DDX4: variants seen among roughly 807,000 people sequenced by gnomAD.
The protein encoded by DDX4 is DEAD-box helicase 4.
In DDX4, 25 loss-of-function variants were observed where a neutral mutation model predicts 100.0. The ratio of observed to expected loss-of-function variants is 0.25; its 90% CI spans 0.18 to 0.35. The LOEUF is 0.35. Ranked by LOEUF, DDX4 falls within the 10% of genes least tolerant of loss-of-function variation. The pLI is 1.00. For missense variants in DDX4, 635 were observed against 882.4 expected, an observed-to-expected ratio of 0.72 and a Z score of 3.55; for synonymous variants, 259 against 275.7, an observed-to-expected ratio of 0.94 and a Z score of 0.60.
chr5:55,798,521 T>C lies in DDX4; in HGVS notation c.1565T>C (p.Val522Ala), dbSNP rs1743104632. ...GATGTTCAGCAGACCGTTCTCCAAG[T>C]TGGCCAGTTCTCAAAAAGAGAAAAG... ...CRDVQQTVLQ[V>A]GQFSKREKLV... Residue 522 changes from valine to alanine, a missense_variant, in exon 18 of 22, where the codon GTT becomes GCT. Coordinates refer to ENST00000505374, the MANE Select transcript of DDX4 (RefSeq NM_024415.3). 1 of 1,611,118 alleles carries C rather than the reference T, an allele frequency of 6.2e-7. No homozygotes were observed. The highest frequency in any genetic ancestry group is 1.3e-5 in the African/African-American group (1 of 74,904).
intron 7 of DDX4, chr5:55,768,195 C>T: frequency 4.5e-6 from 2 of 440,206 alleles, no homozygotes; most frequent in Admixed American, 6.9e-5. Flanking sequence ...AATTGCATGC[C>T]ATGGGGTTTT....
chr5:55,801,892 G>A (rs1478974860), intron 18 of DDX4, among the ~76,000 whole-genome samples: 1 of 152,118 alleles, frequency 6.6e-6, no homozygotes, highest in East Asian at 1.9e-4. Flanking sequence ...CCTATAAATT[G>A]GAGTGAATCT....
chr5:55,749,996 A>C (rs539507690), intron 3 of DDX4, among the ~76,000 whole-genome samples: 1 of 152,266 alleles, frequency 6.6e-6, no homozygotes, highest in South Asian at 2.1e-4. Context: ...AAAAAAAAAA[A>C]AACTTTTAAT....
At chr5:55,815,241 T>C in intron 20 of DDX4, 70 bp downstream of exon 20, 1 of 1,598,468 alleles carries the variant, frequency 6.3e-7, no homozygotes, top group Non-Finnish European at 8.5e-7. Context: ...ATTTTATGCA[T>C]GTGTATATAA....
At chr5:55,755,564 G>T (rs564645504) in intron 3 of DDX4, among the ~76,000 whole-genome samples, 2 of 152,174 alleles carry the variant, frequency 1.3e-5, no homozygotes, top group South Asian at 4.1e-4. Context: ...TGTAAGATTG[G>T]CGTATAGTTT....
At chr5:55,793,065 T>TGTGTGTGTGTG (rs1160621818) in intron 17 of DDX4, among the ~76,000 whole-genome samples, 1 of 149,078 alleles carries the variant, frequency 6.7e-6, no homozygotes, top group Admixed American at 6.8e-5. Flanking sequence ...TTTGTGTGTG[T>TGTGTGTGTGTG]TGTTGTTGTT....
intron 2 of DDX4, among the ~76,000 whole-genome samples, chr5:55,740,485 T>G (rs1314728098): frequency 6.6e-6 from 1 of 151,230 alleles, no homozygotes; most frequent in Non-Finnish European, 1.5e-5. Flanking sequence ...TTTATATAGT[T>G]TTGATGATAG....
chr5:55,803,653 AACT>A (rs1743482261), intron 18 of DDX4, among the ~76,000 whole-genome samples: 1 of 151,870 alleles, frequency 6.6e-6, no homozygotes. Flanking sequence ...AAAGGACATG[AACT>A]CATCATTTTT....
intron 6 of DDX4, 76 bp from the exon 7 acceptor site, chr5:55,767,805 G>A (rs1246869937): frequency 1.0e-6 from 1 of 1,001,044 alleles, no homozygotes; most frequent in East Asian, 2.5e-5. Context: ...AATTTATCTT[G>A]TGACAGTGCT....
Position 55,815,012 on chromosome 5 carries a change from G to A in DDX4, c.1827G>A (p.Val609=). 1 of 1,614,168 alleles carries A rather than the reference G, an allele frequency of 6.2e-7. No homozygotes were observed. Among genetic ancestry groups the A allele is most frequent in the East Asian group, 2.2e-5 (1 of 44,882 alleles). The part of the protein sequence containing the change: ...VAARGLDIEN[V]QHVINFDLPS... ...CCAGAGGGCTGGATATTGAAAATGT[G>A]CAACATGTTATCAATTTTGATCTTC... The change falls in exon 20 of 22, where the codon GTG becomes GTA. Residue 609 remains valine (V), a synonymous_variant. Coordinates refer to ENST00000505374, the MANE Select transcript of DDX4 (RefSeq NM_024415.3).
chr5:55,760,243 T>G lies in DDX4; in HGVS notation c.171T>G (p.Ser57Arg). 6.4e-7 allele frequency: 1 copy of G among 1,572,260 alleles called. No individual in the cohort carries two copies. The highest frequency in any genetic ancestry group is 8.6e-7 in the Non-Finnish European group (1 of 1,164,748). Residue 57 changes from serine to arginine, a missense_variant, in exon 4 of 22, where the codon AGT (serine) becomes AGG (arginine). This residue lies in a region of DDX4 where 446 missense variants were observed against 540.8 expected (regional missense o/e 0.82). Transcript: ENST00000505374. ...GPSRRDHFMK[S>R]GFASGRNFGN... ...CTCGAAGAGATCATTTCATGAAAAG[T>G]GGATTTGCCTCTGGGCGGAATTTTG...
intron 18 of DDX4, among the ~76,000 whole-genome samples, chr5:55,812,329 A>G (rs1744166409): frequency 1.3e-5 from 2 of 152,150 alleles, no homozygotes; most frequent in Non-Finnish European, 1.5e-5. Context: ...TGGGAGGCCG[A>G]GGCGGGCGGA....
chr5:55,816,373 T>G (rs2112214218), intron 21 of DDX4, 90 bp from the exon 22 acceptor site: 1 of 1,499,358 alleles, frequency 6.7e-7, no homozygotes, highest in African/African-American at 1.4e-5. Flanking sequence ...CTTTGAGTCC[T>G]TGCTCTCAGT....
rs10066928 is a variant in DDX4 at position 55,810,487 on chromosome 5, A to G, written c.1616-3186A>G. On this transcript the variant is annotated intron_variant, in intron 18 of 21. Coordinates refer to ENST00000505374, the MANE Select transcript of DDX4 (RefSeq NM_024415.3). ...ATCATCCCTAATCCAAAACTCTGAAATGCTCCAGTGAGCATTTCCTTTGAG... is the reference window on the plus strand; with the variant it reads ...ATCATCCCTAATCCAAAACTCTGAAGTGCTCCAGTGAGCATTTCCTTTGAG... Among the ~76,000 whole-genome samples the G allele has an allele frequency of 3.3e-3, 496 of 152,246 alleles. 4 individuals carry two copies. The highest frequency in any genetic ancestry group is 0.012 in the African/African-American group (483 of 41,550).
intron 18 of DDX4, among the ~76,000 whole-genome samples, chr5:55,810,437 A>G (rs903870468): frequency 3.3e-5 from 5 of 152,044 alleles, no homozygotes; most frequent in African/African-American, 1.2e-4. Context: ...AACTTTTGGA[A>G]TATTTGCAGT....
At chr5:55,746,373 G>T in intron 3 of DDX4, 152 bp downstream of exon 3, 1 of 560,210 alleles carries the variant, frequency 1.8e-6, no homozygotes, top group Non-Finnish European at 3.1e-6. Flanking sequence ...TGGAATGGGG[G>T]TACTTCTAGT....
intron 3 of DDX4, among the ~76,000 whole-genome samples, chr5:55,747,235 G>C (rs1246105766): frequency 6.6e-6 from 1 of 152,092 alleles, no homozygotes; most frequent in African/African-American, 2.4e-5. Flanking sequence ...ACAAAAATTA[G>C]GGTGTGGTGC....
intron 3 of DDX4, among the ~76,000 whole-genome samples, chr5:55,757,208 A>G (rs1231972241): frequency 6.6e-6 from 1 of 152,122 alleles, no homozygotes; most frequent in South Asian, 2.1e-4. Context: ...TTGTGAACCC[A>G]TTACCTGAGC....
chr5:55,804,686 C>CT (rs1160655701), intron 18 of DDX4, among the ~76,000 whole-genome samples: 2 of 152,036 alleles, frequency 1.3e-5, no homozygotes, highest in Admixed American at 6.6e-5. Flanking sequence ...ATCTATATCT[C>CT]TGTTTTGGTA....
Sources: allele counts gnomAD v4.1 joint callset (sites outside exome capture counted in the v4.1 genomes callset), GRCh38; gene constraint gnomAD v4.1.1; regional missense constraint gnomAD v4.1.1; transcripts MANE v1.5; gene names NCBI Gene and HGNC (gene_info 2026-07-23, HGNC 2026-07-21).